Variants in MARCO observed in about 807,000 individuals in gnomAD.
MARCO encodes macrophage receptor MARCO.
In MARCO, 72 loss-of-function variants were observed where a neutral mutation model predicts 70.0. The observed-to-expected ratio is 1.03, with a 90% CI of 0.85 to 1.25. The LOEUF (loss-of-function observed/expected upper bound fraction) is 1.25, where lower values mean the gene tolerates loss of function less well. Ranked by LOEUF, MARCO falls within the 50% of genes most tolerant of loss-of-function variation. The pLI is 0.00. For missense variants in MARCO, 696 were observed against 659.3 expected (o/e 1.06, Z -0.61); for synonymous variants, 273 against 243.1 (o/e 1.12, Z -1.14).
intron 12 of MARCO, among the ~76,000 whole-genome samples, chr2:118,987,924 TAGG>T (rs1268811618): frequency 6.6e-6 from 1 of 152,202 alleles, no homozygotes; most frequent in African/African-American, 2.4e-5. Context: ...AAACTCCAGA[TAGG>T]AGTGAGCCTA....
intron 1 of MARCO, chr2:118,952,545 G>A (rs1679743274): frequency 6.6e-6 from 1 of 152,204 alleles, no homozygotes; most frequent in South Asian, 2.1e-4. Flanking sequence ...TCACGCACAT[G>A]TACATTTAGC....
At chr2:118,977,221 A>G (rs1680299573) in intron 6 of MARCO, among the ~76,000 whole-genome samples, 1 of 148,854 alleles carries the variant, frequency 6.7e-6, no homozygotes, top group Admixed American at 6.7e-5. Flanking sequence ...CTTTCATGCC[A>G]TAGCAAGAGC....
intron 6 of MARCO, 140 bp from the exon 7 acceptor site, chr2:118,977,331 A>T (rs926164398): frequency 3.0e-6 from 2 of 676,700 alleles, no homozygotes; most frequent in East Asian, 2.7e-5. Flanking sequence ...AGAGAGAGAG[A>T]GAGAGTGAGA....
intron 12 of MARCO, among the ~76,000 whole-genome samples, chr2:118,988,828 C>A (rs1476028296): frequency 1.3e-5 from 2 of 152,008 alleles, no homozygotes; most frequent in Non-Finnish European, 2.9e-5. Flanking sequence ...GTGGACTCAA[C>A]CTCAGTGCCT....
intron 13 of MARCO, among the ~76,000 whole-genome samples, chr2:118,990,994 C>T (rs1680611853): frequency 6.6e-6 from 1 of 152,188 alleles, no homozygotes; most frequent in Non-Finnish European, 1.5e-5. Context: ...GCTTCCCCAC[C>T]TCAGCTGTGG....
chr2:118,982,478 G>A, intron 12 of MARCO, 68 bp downstream of exon 12: 2 of 1,471,984 alleles, frequency 1.4e-6, no homozygotes, highest in Non-Finnish European at 1.9e-6. Flanking sequence ...GAGAAAAACT[G>A]CTTCTTCTTA....
intron 13 of MARCO, 23 bp downstream of exon 13, chr2:118,990,656 A>G (rs1680604336): frequency 2.5e-6 from 4 of 1,606,908 alleles, no homozygotes; most frequent in Non-Finnish European, 3.4e-6. Flanking sequence ...CTGCATCTTC[A>G]TCCCTCGGAG....
intron 12 of MARCO, among the ~76,000 whole-genome samples, chr2:118,989,495 G>A (rs990919898): frequency 2.0e-5 from 3 of 152,204 alleles, no homozygotes; most frequent in African/African-American, 7.2e-5. Flanking sequence ...ACCAGGCCTG[G>A]AGGTGGGATC....
chr2:118,994,317 A>G, intron 16 of MARCO, 70 bp from the exon 17 acceptor site: 2 of 1,572,054 alleles, frequency 1.3e-6, no homozygotes, highest in Non-Finnish European at 8.7e-7. Flanking sequence ...TCCCAGGCGC[A>G]CACGTGGCTT....
chr2:118,957,103 A>G (rs1679851374), intron 1 of MARCO, among the ~76,000 whole-genome samples: 1 of 152,098 alleles, frequency 6.6e-6, no homozygotes, highest in South Asian at 2.1e-4. Flanking sequence ...GAACAAACCA[A>G]ACGCAAACCC....
chr2:118,946,008 C>G (rs1180122180), intron 1 of MARCO, among the ~76,000 whole-genome samples: 3 of 152,186 alleles, frequency 2.0e-5, no homozygotes, highest in African/African-American at 7.2e-5. Flanking sequence ...ATTGTTCTGA[C>G]TTTGCTCTTC....
At chr2:118,971,612 C>A in intron 4 of MARCO, 78 bp downstream of exon 4, 1 of 1,485,646 alleles carries the variant, frequency 6.7e-7, no homozygotes, top group Non-Finnish European at 9.3e-7. Flanking sequence ...CTGTGCCATT[C>A]TGGGTCTGGA....
chr2:118,954,146 G>T (rs780157910), intron 1 of MARCO, among the ~76,000 whole-genome samples: 46 of 152,366 alleles, frequency 3.0e-4, no homozygotes, highest in Middle Eastern at 3.4e-3. Flanking sequence ...GTCTTTGGCA[G>T]CTGGGAGGCA....
At chr2:118,974,621 T>G in intron 6 of MARCO, 56 bp downstream of exon 6, 1 of 1,535,484 alleles carries the variant, frequency 6.5e-7, no homozygotes. Context: ...TCAGAGTGAC[T>G]GCTGTGGGCT....
intron 1 of MARCO, among the ~76,000 whole-genome samples, chr2:118,955,796 C>A (rs1679825716): frequency 6.6e-6 from 1 of 152,168 alleles, no homozygotes; most frequent in Non-Finnish European, 1.5e-5. Context: ...GGGGCCCTAT[C>A]TTCTGCCTCC....
At chr2:118,993,537 G>A (rs569986914) in intron 16 of MARCO, among the ~76,000 whole-genome samples, 21 of 152,296 alleles carry the variant, frequency 1.4e-4, no homozygotes, top group East Asian at 1.9e-4. Context: ...GCCTGGCTTC[G>A]GTCAAGGTCC....
intron 6 of MARCO, among the ~76,000 whole-genome samples, chr2:118,977,103 TG>T (rs1680296546): frequency 6.6e-6 from 1 of 152,152 alleles, no homozygotes; most frequent in African/African-American, 2.4e-5. Flanking sequence ...TCTTGCCAGA[TG>T]GGATTAATCT....
At chr2:118,976,787 G>C (rs139159485) in intron 6 of MARCO, among the ~76,000 whole-genome samples, 39 of 152,240 alleles carry the variant, frequency 2.6e-4, no homozygotes, top group African/African-American at 9.1e-4. Context: ...AAACACACTT[G>C]CCTGACTCTA....
At position 118,981,643 on chromosome 2, in the gene MARCO, T is replaced by C; in HGVS notation, c.888T>C (p.Ala296=). The change falls in exon 10 of 17, where the codon GCT becomes GCC. Residue 296 remains alanine, a synonymous_variant. Transcript: ENST00000327097. The stretch of plus-strand genomic sequence containing the variant: ...TAGGTTTGGCTGGTTTTCCTGGAGC[T>C]AAAGGAGATCAAGGTAAGAACTACA... ...GPPGLAGFPG[A]KGDQGQPGLQ... is the part of the protein sequence containing the mutation. The C allele has an allele frequency of 1.2e-6, 2 of 1,613,784 alleles. No individual in the cohort carries two copies. The highest frequency in any genetic ancestry group is 1.3e-5 in the African/African-American group (1 of 74,938).
Sources: gnomAD v4.1 joint callset for allele counts (sites outside exome capture counted in the v4.1 genomes callset) on GRCh38, gnomAD v4.1.1 for gene constraint, MANE v1.5 for transcripts, NCBI Gene and HGNC (gene_info 2026-07-23, HGNC 2026-07-21) for gene names.